The following CSMD3 variants were observed in gnomAD, a reference collection of about 807,000 sequenced individuals.
CSMD3 encodes CUB and sushi domain-containing protein 3.
CSMD3 carries 177 observed loss-of-function variants against 435.2 expected under a neutral mutation model. The observed-to-expected ratio is 0.41, with a 90% CI of 0.36 to 0.46. The LOEUF is 0.46. CSMD3 is among the 20% of genes least tolerant of loss of function. CSMD3 has a pLI of 0.34. For synonymous variants in CSMD3, 1,656 were observed against 1,520.5 expected (o/e 1.09, Z -2.07); for missense variants, 4,265 against 4,504.6 (o/e 0.95, Z 1.52).
intron 6 of CSMD3, chr8:113,018,741 G>T (rs1274085034): frequency 6.8e-6 from 2 of 293,510 alleles, no homozygotes; most frequent in Non-Finnish European, 6.5e-6. Context: ...GCAACTGAAG[G>T]TTTTCTGCAG....
chr8:112,579,169 A>C lies in CSMD3; in HGVS notation c.3886-5512T>G, dbSNP rs201555269. Reference sequence around the variant, plus strand: ...ACTTCATTAGTTTGTAAATGATATGAGCAACTAATTTGGTTAATTAAATAA... The same window carrying C: ...ACTTCATTAGTTTGTAAATGATATGCGCAACTAATTTGGTTAATTAAATAA... On this transcript the variant is annotated intron_variant, in intron 23 of 70. Transcript: ENST00000297405. 3.3e-5 allele frequency among the ~76,000 whole-genome samples: 5 copies of C among 152,116 alleles called. 1 individual carries two copies. The East Asian group carries it at 9.6e-4, about 29-fold the overall frequency.
At chr8:113,034,751 C>T (rs879428637) in intron 5 of CSMD3, among the ~76,000 whole-genome samples, 1 of 151,876 alleles carries the variant, frequency 6.6e-6, no homozygotes, top group Non-Finnish European at 1.5e-5. Flanking sequence ...AGAGAATATA[C>T]CATGCAAATA....
chr8:113,063,619 C>T lies in CSMD3; in HGVS notation c.917+35137G>A, dbSNP rs754911552. Reference sequence around the variant, plus strand: ...CTTGTTAGTTTAGTTGTTAGTTACCCGCTGTTCTTAATAAATCAGTCTGCA... The same window carrying T: ...CTTGTTAGTTTAGTTGTTAGTTACCTGCTGTTCTTAATAAATCAGTCTGCA... On this transcript the variant is annotated intron_variant, in intron 5 of 70. Transcript: ENST00000297405. 2.8e-4 allele frequency among the ~76,000 whole-genome samples: 42 copies of T among 151,788 alleles called. 1 individual carries two copies. Among genetic ancestry groups the T allele is most frequent in the African/African-American group, 8.5e-4 (35 of 41,372 alleles).
chr8:113,325,895 T>TA (rs1165277845), intron 1 of CSMD3, among the ~76,000 whole-genome samples: 1 of 152,140 alleles, frequency 6.6e-6, no homozygotes, highest in Non-Finnish European at 1.5e-5. Context: ...AGACTTACAA[T>TA]AAATAAACTC....
rs116102882 is a variant in CSMD3 at position 112,311,717 on chromosome 8, G to A, written c.7697-551C>T. ...GCGTTTACATATTATGATACAAATTGCCAATAAAATAAAAAAGTTTTTTCA... is the reference window on the plus strand; with the variant it reads ...GCGTTTACATATTATGATACAAATTACCAATAAAATAAAAAAGTTTTTTCA... On this transcript the variant is annotated intron_variant, in intron 49 of 70. Coordinates refer to ENST00000297405, the MANE Select transcript of CSMD3 (RefSeq NM_198123.2). 5.8e-3 allele frequency among the ~76,000 whole-genome samples: 890 copies of A among 152,202 alleles called. 13 individuals are homozygous for A. Among genetic ancestry groups the A allele is most frequent in the African/African-American group, 0.021 (859 of 41,512 alleles).
chr8:112,321,839 A>C (rs895870150), intron 45 of CSMD3, among the ~76,000 whole-genome samples: 3 of 152,182 alleles, frequency 2.0e-5, no homozygotes, highest in Admixed American at 1.3e-4. Context: ...ACTTGCTGGG[A>C]AAGAACCCCA....
At chr8:112,319,156 T>C (rs1822752582) in intron 46 of CSMD3, among the ~76,000 whole-genome samples, 1 of 152,118 alleles carries the variant, frequency 6.6e-6, no homozygotes, top group East Asian at 1.9e-4. Context: ...AAGGCAAAAG[T>C]GAACTGCCAT....
intron 7 of CSMD3, among the ~76,000 whole-genome samples, chr8:112,965,840 G>A (rs887887693): frequency 1.3e-5 from 2 of 151,820 alleles, no homozygotes; most frequent in African/African-American, 4.8e-5. Flanking sequence ...TTACTGTCAT[G>A]AATGACATTG....
intron 4 of CSMD3, among the ~76,000 whole-genome samples, chr8:113,118,315 T>G (rs1423429632): frequency 2.0e-5 from 3 of 152,208 alleles, no homozygotes; most frequent in African/African-American, 7.2e-5. Context: ...ATAGCTTATC[T>G]GATTAAATAT....
chr8:112,628,685 T>C lies in CSMD3; in HGVS notation c.3715+8132A>G, dbSNP rs1458617147. 2.6e-5 allele frequency among the ~76,000 whole-genome samples: 4 copies of C among 152,274 alleles called. No individual in the cohort carries two copies. The East Asian group carries it at 7.7e-4, about 29-fold the overall frequency. ...CTCAACAAATTTACTTAAAGCTTTC[T>C]ATATGCTAAACACTGTTGTAGATAA... On this transcript the variant is annotated intron_variant, in intron 22 of 70. Transcript: ENST00000297405.
At chr8:113,307,412 T>C (rs1490341356) in intron 2 of CSMD3, among the ~76,000 whole-genome samples, 2 of 152,122 alleles carry the variant, frequency 1.3e-5, no homozygotes, top group Non-Finnish European at 2.9e-5. Context: ...GATCTAAATA[T>C]AAAGCTAACA....
chr8:113,049,244 G>A (rs1024524449), intron 5 of CSMD3, among the ~76,000 whole-genome samples: 6 of 152,034 alleles, frequency 3.9e-5, no homozygotes, highest in African/African-American at 2.4e-5. Context: ...GTCTCAAAAA[G>A]AGAGAGGAGA....
Position 112,784,667 on chromosome 8 carries a change from G to T in CSMD3, c.1972+15495C>A, listed in dbSNP as rs566472404. On this transcript the variant is annotated intron_variant, in intron 13 of 70. Transcript: ENST00000297405. Reference sequence around the variant, plus strand: ...TGCCAAGAAACTGGAAAACCTAAAAGAAATGAATCAATTACTAGACACATA... The same window carrying T: ...TGCCAAGAAACTGGAAAACCTAAAATAAATGAATCAATTACTAGACACATA... 6.1e-4 allele frequency among the ~76,000 whole-genome samples: 92 copies of T among 151,964 alleles called. 1 individual carries two copies. Among genetic ancestry groups the T allele is most frequent in the African/African-American group, 2.2e-3 (92 of 41,514 alleles).
chr8:112,638,541 T>A (rs2131587586), intron 21 of CSMD3, among the ~76,000 whole-genome samples, 155 bp downstream of exon 21: 1 of 152,048 alleles, frequency 6.6e-6, no homozygotes, highest in South Asian at 2.1e-4. Context: ...CAAGCTTTCC[T>A]TAAAACTTGA....
intron 13 of CSMD3, among the ~76,000 whole-genome samples, chr8:112,773,683 T>A (rs1029970912): frequency 7.2e-5 from 11 of 152,146 alleles, no homozygotes; most frequent in African/African-American, 2.4e-4. Context: ...TTCTAAGGAA[T>A]CTACCAGATT....
rs1450559853 is a variant in CSMD3 at position 112,636,859 on chromosome 8, C to T, written c.3673G>A (p.Gly1225Ser). 1 of 1,613,544 alleles carries T rather than the reference C, an allele frequency of 6.2e-7. No individual in the cohort carries two copies. The highest frequency in any genetic ancestry group is 8.5e-7 in the Non-Finnish European group (1 of 1,179,726). Reference sequence around the variant, plus strand: ...GGTGCACTCCACACTCGTCGGCCACCACCAAGACAGATGATCTCTGATGTT... The same window carrying T: ...GGTGCACTCCACACTCGTCGGCCACTACCAAGACAGATGATCTCTGATGTT... ...EGTSEIICLG[G>S]GRRVWSAPLP... The change falls in exon 22 of 71, where the codon GGT (glycine) becomes AGT (serine). Residue 1225 changes from glycine to serine, a missense_variant. By Grantham distance (56) the Gly-to-Ser change is moderately conservative. Transcript: ENST00000297405.
intron 1 of CSMD3, among the ~76,000 whole-genome samples, chr8:113,352,590 G>A (rs867209344): frequency 1.4e-4 from 21 of 152,280 alleles, no homozygotes; most frequent in African/African-American, 4.1e-4. Flanking sequence ...GAGCACAAAA[G>A]CAGGTGACCT....
rs987410551 is a variant in CSMD3 at position 112,911,622 on chromosome 8, T to C, written c.1633+10005A>G. ...TAAGGCTGAATTGTATTCCATTGTG[T>C]GTGTGTGTGTACATATATATGTGTG... On this transcript the variant is annotated intron_variant, in intron 10 of 70. Coordinates refer to ENST00000297405, the MANE Select transcript of CSMD3 (RefSeq NM_198123.2). 2.6e-5 allele frequency among the ~76,000 whole-genome samples: 3 copies of C among 113,872 alleles called. No homozygotes were observed. In the South Asian group the frequency reaches 9.5e-4, roughly 36 times the overall value. The allele number at this position is 113,872 out of a possible 152,430, so 74.7% of individuals were successfully genotyped here.
In CSMD3 at chr8:113,165,387, T is replaced by A. The variant is rs192343070; in HGVS notation, c.709+8335A>T. 4.6e-3 allele frequency among the ~76,000 whole-genome samples: 699 copies of A among 152,296 alleles called. 5 individuals are homozygous for A. Among genetic ancestry groups the A allele is most frequent in the African/African-American group, 0.015 (611 of 41,562 alleles). ...AAAAATGTAAACTTTCCCTAAACAA[T>A]CTGGATTTTGCATTTAGAAAATTTA... On this transcript the variant is annotated intron_variant, in intron 4 of 70. Transcript: ENST00000297405.
Sources: allele counts gnomAD v4.1 joint callset (sites outside exome capture counted in the v4.1 genomes callset), GRCh38; gene constraint gnomAD v4.1.1; transcripts MANE v1.5; gene names NCBI Gene and HGNC (gene_info 2026-07-23, HGNC 2026-07-21).